IKBIP: variants seen among roughly 807,000 people sequenced by gnomAD.
IKBIP encodes IKBKB interacting protein, also known as inhibitor of nuclear factor kappa-B kinase-interacting protein.
In IKBIP, 28 loss-of-function variants were observed where a neutral mutation model predicts 31.0. That is an observed-to-expected ratio of 0.90 (90% CI 0.67 to 1.24). The LOEUF (loss-of-function observed/expected upper bound fraction) is 1.24, where lower values mean the gene tolerates loss of function less well. Ranked by LOEUF, IKBIP falls within the 50% of genes most tolerant of loss-of-function variation. IKBIP has a pLI of 0.00. For synonymous variants in IKBIP, 164 were observed against 160.3 expected (o/e 1.02, Z -0.17); for missense variants, 453 against 441.9 (o/e 1.03, Z -0.23).
At chr12:98,626,796 G>C in intron 2 of IKBIP, 30 bp from the exon 3 acceptor site, 1 of 1,516,686 alleles carries the variant, frequency 6.6e-7, no homozygotes, top group Non-Finnish European at 8.9e-7. Context: ...CAATTCCCAA[G>C]GCTACTTAAT....
At chr12:98,635,942 C>T (rs2097625397) in intron 1 of IKBIP, among the ~76,000 whole-genome samples, 1 of 152,180 alleles carries the variant, frequency 6.6e-6, no homozygotes. Flanking sequence ...GGAGTTTATT[C>T]TTCATTATGG....
At chr12:98,613,506 C>T in exon 3 of IKBIP, 1 of 673,066 alleles carries the variant, frequency 1.5e-6, no homozygotes, top group Admixed American at 2.9e-5. Flanking sequence ...TCCAAAATAT[C>T]ATTATTTTTG....
intron 1 of IKBIP, among the ~76,000 whole-genome samples, chr12:98,638,533 C>T (rs1364824037): frequency 6.6e-6 from 1 of 151,318 alleles, no homozygotes; most frequent in East Asian, 1.9e-4. Flanking sequence ...CCTTGGCCTC[C>T]CAAACTGTTG....
At chr12:98,639,311 C>T (rs1416844993) in intron 1 of IKBIP, among the ~76,000 whole-genome samples, 3 of 152,142 alleles carry the variant, frequency 2.0e-5, no homozygotes, top group Non-Finnish European at 4.4e-5. Flanking sequence ...TGATAGAAGC[C>T]CCAGGCCTGT....
rs2097612442 is a variant in IKBIP, at chr12:98,624,455, A to G, written c.*1475T>C. ...ACAGGCCCTCCTAACTCCAGTGGAG[A>G]AGGAGTTTGGGGGTTCTCCAAAAAC... On this transcript the variant is annotated 3_prime_UTR_variant, in exon 3 of 3. Transcript: ENST00000299157. 5 of 984,162 alleles carry G rather than the reference A, an allele frequency of 5.1e-6. No homozygotes were observed. Among genetic ancestry groups the G allele is most frequent in the Non-Finnish European group, 4.8e-6 (4 of 828,810 alleles). 61.0% of individuals were successfully genotyped at this position (984,162 alleles called of 1,614,324 possible). A position where few individuals can be genotyped will look rare whatever the true frequency, so the allele number is the denominator to read the frequency against.
chr12:98,634,726 T>C (rs949760146), intron 1 of IKBIP, among the ~76,000 whole-genome samples: 5 of 150,976 alleles, frequency 3.3e-5, no homozygotes, highest in African/African-American at 1.2e-4. Context: ...TTTTTTTTTT[T>C]TGAGATGGAG....
At chr12:98,630,937 CATTTTT>C in intron 2 of IKBIP, among the ~76,000 whole-genome samples, 1 of 150,468 alleles carries the variant, frequency 6.6e-6, no homozygotes, top group Non-Finnish European at 1.5e-5. Flanking sequence ...TTTTTCTTTT[CATTTTT>C]TTTTTTGAGA....
intron 2 of IKBIP, among the ~76,000 whole-genome samples, chr12:98,617,150 T>A (rs1483444742): frequency 6.6e-6 from 1 of 152,212 alleles, no homozygotes. Context: ...ATGCAAAATA[T>A]GTGGAACATA....
At chr12:98,620,972 G>GCACTTTGGGAGGC (rs1227687218), downstream of IKBIP, among the ~76,000 whole-genome samples, 13 of 152,126 alleles carry the variant, frequency 8.5e-5, no homozygotes, top group African/African-American at 3.1e-4. Context: ...TAGTGGCCGT[G>GCACTTTGGGAGGC]CGTGGTGGCT....
chr12:98,634,933 T>A (rs189793542), intron 1 of IKBIP, among the ~76,000 whole-genome samples: 40 of 151,788 alleles, frequency 2.6e-4, no homozygotes, highest in African/African-American at 9.4e-4. Flanking sequence ...ATGCTCTCGA[T>A]CTCCTGACCT....
chr12:98,643,251 G>GT (rs2097632373), intron 1 of IKBIP, among the ~76,000 whole-genome samples: 1 of 152,126 alleles, frequency 6.6e-6, no homozygotes, highest in Non-Finnish European at 1.5e-5. Context: ...GCGCCCAGCC[G>GT]TAACAAATCT....
chr12:98,636,918 G>A (rs1490759299), intron 1 of IKBIP, among the ~76,000 whole-genome samples: 4 of 149,572 alleles, frequency 2.7e-5, no homozygotes, highest in African/African-American at 4.9e-5. Flanking sequence ...CTGCCAGGGG[G>A]GAAAAAAAAA....
chr12:98,639,787 C>T (rs990275552), intron 1 of IKBIP, among the ~76,000 whole-genome samples: 10 of 152,192 alleles, frequency 6.6e-5, no homozygotes, highest in African/African-American at 1.9e-4. Context: ...GAAGCTGTTA[C>T]GGACCTTCTG....
intron 2 of IKBIP, among the ~76,000 whole-genome samples, chr12:98,631,440 CCAGCT>C (rs987603447): frequency 1.3e-5 from 2 of 150,512 alleles, no homozygotes; most frequent in Non-Finnish European, 3.0e-5. Flanking sequence ...GCTACCATGC[CCAGCT>C]AATTTTTGTG....
At chr12:98,637,773 T>A (rs949642763) in intron 1 of IKBIP, among the ~76,000 whole-genome samples, 6 of 152,020 alleles carry the variant, frequency 3.9e-5, no homozygotes, top group Non-Finnish European at 7.4e-5. Flanking sequence ...TGCAGTGGCA[T>A]GATCTTGGCT....
At chr12:98,644,472 A>C in intron 1 of IKBIP, 51 bp downstream of exon 1, 1 of 1,506,988 alleles carries the variant, frequency 6.6e-7, no homozygotes, top group Non-Finnish European at 8.9e-7. Flanking sequence ...GGGAGCCCAA[A>C]CAGCAGGGGG....
chr12:98,641,602 T>C (rs1413750569), intron 1 of IKBIP, among the ~76,000 whole-genome samples: 2 of 152,180 alleles, frequency 1.3e-5, no homozygotes, highest in Non-Finnish European at 2.9e-5. Flanking sequence ...CAAGAGCAAC[T>C]AAGAGGCAAC....
chr12:98,636,328 T>A (rs181905255), intron 1 of IKBIP, among the ~76,000 whole-genome samples: 2 of 152,196 alleles, frequency 1.3e-5, no homozygotes. Context: ...GTAATCTAAG[T>A]GCACAGCCAA....
chr12:98,630,238 A>C (rs544964269), intron 2 of IKBIP, among the ~76,000 whole-genome samples: 1 of 151,938 alleles, frequency 6.6e-6, no homozygotes, highest in East Asian at 1.9e-4. Flanking sequence ...ACAAAAAATT[A>C]GCCGGGTATG....
Sources: allele counts gnomAD v4.1 joint callset (sites outside exome capture counted in the v4.1 genomes callset), GRCh38; gene constraint gnomAD v4.1.1; transcripts MANE v1.5; gene names NCBI Gene and HGNC (gene_info 2026-07-23, HGNC 2026-07-21).